The following CSGALNACT2 variants were observed in gnomAD, a reference collection of about 807,000 sequenced individuals.
The protein encoded by CSGALNACT2 is beta 4 GalNAcT-2.
A neutral mutation model predicts 55.3 loss-of-function variants in CSGALNACT2; 35 were observed. The ratio of observed to expected loss-of-function variants is 0.63; its 90% CI spans 0.48 to 0.84. CSGALNACT2 has a LOEUF of 0.84. CSGALNACT2 is among the 40% of genes least tolerant of loss of function. The pLI is 0.00. For missense variants in CSGALNACT2, 544 were observed against 657.5 expected (o/e 0.83, Z 1.89); for synonymous variants, 196 against 224.9 (o/e 0.87, Z 1.15).
At chr10:43,177,520 A>G (rs1839504077) in intron 7 of CSGALNACT2, among the ~76,000 whole-genome samples, 1 of 152,204 alleles carries the variant, frequency 6.6e-6, no homozygotes, top group Non-Finnish European at 1.5e-5. Flanking sequence ...ATTGTACAAT[A>G]TGTGGCCTTT....
intron 6 of CSGALNACT2, among the ~76,000 whole-genome samples, chr10:43,174,249 G>T (rs1391456043): frequency 1.3e-5 from 2 of 151,826 alleles, no homozygotes; most frequent in Non-Finnish European, 2.9e-5. Context: ...TCATCCATCA[G>T]CTCCAATCTG....
At chr10:43,151,445 T>C (rs1392034623) in intron 1 of CSGALNACT2, among the ~76,000 whole-genome samples, 1 of 152,164 alleles carries the variant, frequency 6.6e-6, no homozygotes, top group African/African-American at 2.4e-5. Context: ...TTTTGAGTGC[T>C]CTACCGAGTG....
chr10:43,182,788 TC>T lies in CSGALNACT2; in HGVS notation c.1337-461del, dbSNP rs1839612795. Among the ~76,000 whole-genome samples the T allele has an allele frequency of 3.3e-5, 5 of 149,526 alleles. No homozygotes were observed. The South Asian group carries it at 1.1e-3, about 32-fold the overall frequency. On this transcript the variant is annotated intron_variant, in intron 7 of 7. Transcript: ENST00000374466. The stretch of plus-strand genomic sequence containing the variant: ...GCTACTCGGGGCTGAGATGGGAGGA[TC>T]GCCTGAGCCACGGAGGTCGATGCTG...
chr10:43,155,825 A>G lies in CSGALNACT2; in HGVS notation c.661+15A>G. 6.3e-7 allele frequency: 1 copy of G among 1,592,574 alleles called. No individual in the cohort carries two copies. ...CTTCGTAGAAGGTAATGTGAAAAATATGTTGGTCAATATTATGTTAGTAAG... is the reference window on the plus strand; with the variant it reads ...CTTCGTAGAAGGTAATGTGAAAAATGTGTTGGTCAATATTATGTTAGTAAG... On this transcript the variant is annotated intron_variant, in intron 2 of 7. Coordinates refer to ENST00000374466, the MANE Select transcript of CSGALNACT2 (RefSeq NM_018590.5).
intron 7 of CSGALNACT2, among the ~76,000 whole-genome samples, chr10:43,178,620 A>G (rs1839529872): frequency 7.0e-6 from 1 of 143,010 alleles, no homozygotes; most frequent in South Asian, 2.1e-4. Context: ...GACTCCATCA[A>G]AAAAAAAAAA....
chr10:43,147,531 T>G (rs986870316), intron 1 of CSGALNACT2, among the ~76,000 whole-genome samples: 2 of 152,206 alleles, frequency 1.3e-5, no homozygotes, highest in African/African-American at 4.8e-5. Context: ...GAATATCATA[T>G]CTAAGAAATC....
In CSGALNACT2 at chr10:43,175,886, C is replaced by T. The variant is rs549914724; in HGVS notation, c.1255-65C>T. Reference sequence around the variant, plus strand: ...TACATTAGAAAATAATTTGTTTCATCGTTGATTAAAACTTCTGCTTCTTAT... The same window carrying T: ...TACATTAGAAAATAATTTGTTTCATTGTTGATTAAAACTTCTGCTTCTTAT... On this transcript the variant is annotated intron_variant, in intron 6 of 7. Coordinates refer to ENST00000374466, the MANE Select transcript of CSGALNACT2 (RefSeq NM_018590.5). 144 of 1,375,362 alleles carry T rather than the reference C, an allele frequency of 1.0e-4. No individual in the cohort carries two copies. In the African/African-American group the frequency reaches 1.8e-3, roughly 17 times the overall value. 85.2% of individuals were successfully genotyped at this position (1,375,362 alleles called of 1,614,324 possible). A position where few individuals can be genotyped will look rare whatever the true frequency, so the allele number is the denominator to read the frequency against.
At position 43,155,018 on chromosome 10, in the gene CSGALNACT2, A is replaced by C. The variant is rs1838961645; in HGVS notation, c.-132A>C. 1 of 750,048 alleles carries C rather than the reference A, an allele frequency of 1.3e-6. No individual in the cohort carries two copies. The highest frequency in any genetic ancestry group is 2.9e-5 in the Admixed American group (1 of 33,990). 46.5% of individuals were successfully genotyped at this position (750,048 alleles called of 1,614,324 possible). A position where few individuals can be genotyped will look rare whatever the true frequency, so the allele number is the denominator to read the frequency against. Reference sequence around the variant, plus strand: ...TGCAAGTAGTCATGACTGCTGAAGAAAGAAAAACTTAAAGCTACGGCAGAA... The same window carrying C: ...TGCAAGTAGTCATGACTGCTGAAGACAGAAAAACTTAAAGCTACGGCAGAA... On this transcript the variant is annotated 5_prime_UTR_variant, in exon 2 of 8. Coordinates refer to ENST00000374466, the MANE Select transcript of CSGALNACT2 (RefSeq NM_018590.5).
chr10:43,153,196 G>T (rs928205354), intron 1 of CSGALNACT2, among the ~76,000 whole-genome samples: 6 of 152,088 alleles, frequency 3.9e-5, no homozygotes, highest in African/African-American at 1.4e-4. Flanking sequence ...TTAGCCGGGC[G>T]TGGTGGCCGG....
At chr10:43,173,744 G>A (rs142019427) in intron 6 of CSGALNACT2, among the ~76,000 whole-genome samples, 64 of 152,262 alleles carry the variant, frequency 4.2e-4, no homozygotes, top group Non-Finnish European at 7.4e-4. Context: ...TGTAATCCGA[G>A]CACTTTGGGA....
At chr10:43,146,314 A>G (rs1268476388) in intron 1 of CSGALNACT2, among the ~76,000 whole-genome samples, 1 of 152,200 alleles carries the variant, frequency 6.6e-6, no homozygotes, top group Non-Finnish European at 1.5e-5. Flanking sequence ...TTGGAGTCTG[A>G]TGTTCTAGGT....
intron 4 of CSGALNACT2, chr10:43,162,118 G>C: frequency 1.9e-6 from 1 of 517,446 alleles, no homozygotes; most frequent in South Asian, 1.4e-5. Flanking sequence ...TCAGGGATTG[G>C]AACCAGAGAC....
chr10:43,178,442 A>G (rs573542491), intron 7 of CSGALNACT2, among the ~76,000 whole-genome samples: 97 of 152,152 alleles, frequency 6.4e-4, no homozygotes, highest in Non-Finnish European at 1.1e-3. Context: ...CTAACAAGGT[A>G]AAACCCTGTC....
chr10:43,154,181 A>G (rs1174452250), intron 1 of CSGALNACT2, among the ~76,000 whole-genome samples: 1 of 152,228 alleles, frequency 6.6e-6, no homozygotes, highest in Non-Finnish European at 1.5e-5. Context: ...AACCGTTATT[A>G]CTGTAACAGA....
At chr10:43,149,827 C>T (rs1386361066) in intron 1 of CSGALNACT2, among the ~76,000 whole-genome samples, 2 of 152,016 alleles carry the variant, frequency 1.3e-5, no homozygotes, top group South Asian at 2.1e-4. Context: ...CAGCACTTTT[C>T]GAGGCTGAGG....
intron 2 of CSGALNACT2, among the ~76,000 whole-genome samples, chr10:43,158,265 C>G (rs1446422545): frequency 6.6e-5 from 10 of 152,026 alleles, no homozygotes. Flanking sequence ...TAGACTGGCC[C>G]TGTCCTCAAA....
chr10:43,155,669 A>G lies in CSGALNACT2; in HGVS notation c.520A>G (p.Lys174Glu). 6.2e-7 allele frequency: 1 copy of G among 1,614,216 alleles called. No individual in the cohort carries two copies. The highest frequency in any genetic ancestry group is 1.1e-5 in the South Asian group (1 of 91,086). ...TRHPEEKPVR[K>E]DKRDELVEVI... ...CCATCCTGAAGAAAAGCCAGTTAGA[A>G]AAGACAAACGAGATGAATTGGTGGA... The change falls in exon 2 of 8, where the codon AAA becomes GAA. Residue 174 changes from lysine to glutamate, a missense_variant. By Grantham distance (56) the Lys-to-Glu change is moderately conservative. Transcript: ENST00000374466.
intron 2 of CSGALNACT2, among the ~76,000 whole-genome samples, chr10:43,156,075 T>C (rs1161194208): frequency 6.6e-6 from 1 of 152,188 alleles, no homozygotes; most frequent in Admixed American, 6.5e-5. Flanking sequence ...GGAAATAGAA[T>C]AAAACAGCTC....
intron 4 of CSGALNACT2, 113 bp downstream of exon 4, chr10:43,160,708 A>T: frequency 1.5e-6 from 1 of 656,318 alleles, no homozygotes; most frequent in Non-Finnish European, 2.7e-6. Flanking sequence ...AAATTGGCTG[A>T]GCATGTGGGC....
Sources: gnomAD v4.1 joint callset for allele counts (sites outside exome capture counted in the v4.1 genomes callset) on GRCh38, gnomAD v4.1.1 for gene constraint, MANE v1.5 for transcripts, NCBI Gene and HGNC (gene_info 2026-07-23, HGNC 2026-07-21) for gene names.